DISC1: variants seen among roughly 807,000 people sequenced by gnomAD.
The protein encoded by DISC1 is DISC1 scaffold protein, also known as disrupted in schizophrenia 1 protein.
Under a neutral mutation model 84.5 loss-of-function variants are expected in DISC1, and 57 were observed. That is an observed-to-expected ratio of 0.67 (90% CI 0.55 to 0.84). The LOEUF (loss-of-function observed/expected upper bound fraction) is 0.84. Ranked by LOEUF, DISC1 falls within the 40% of genes least tolerant of loss-of-function variation. The pLI, the probability that DISC1 is intolerant of heterozygous loss-of-function variation, is 0.00. For synonymous variants in DISC1, 411 were observed against 415.2 expected, an observed-to-expected ratio of 0.99 and a Z score of 0.12; for missense variants, 1,000 against 1,057.8, an observed-to-expected ratio of 0.95 and a Z score of 0.76.
chr1:231,989,858 G>A (rs1040961935), intron 10 of DISC1, among the ~76,000 whole-genome samples: 5 of 152,122 alleles, frequency 3.3e-5, no homozygotes, highest in South Asian at 2.1e-4. Flanking sequence ...AAACACATGC[G>A]CACCGAGTTC....
intron 9 of DISC1, among the ~76,000 whole-genome samples, chr1:231,934,141 CA>C (rs2090838323): frequency 6.6e-6 from 1 of 152,134 alleles, no homozygotes; most frequent in Admixed American, 6.5e-5. Context: ...AGAATCCAGG[CA>C]GGAAAAGGGG....
chr1:231,799,201 G>T (rs1294562680), intron 7 of DISC1, among the ~76,000 whole-genome samples: 1 of 152,042 alleles, frequency 6.6e-6, no homozygotes. Flanking sequence ...GAATGTCATG[G>T]GAAAATACAT....
At chr1:231,664,948 A>G (rs2061889291) in intron 1 of DISC1, among the ~76,000 whole-genome samples, 1 of 152,200 alleles carries the variant, frequency 6.6e-6, no homozygotes, top group Non-Finnish European at 1.5e-5. Context: ...CATAAAATAT[A>G]TGTAGATACT....
intron 9 of DISC1, among the ~76,000 whole-genome samples, chr1:231,882,732 G>A (rs1268916565): frequency 6.6e-6 from 1 of 152,092 alleles, no homozygotes; most frequent in African/African-American, 2.4e-5. Flanking sequence ...CAAATGGATG[G>A]TGTGCATTTG....
At chr1:231,805,885 T>G (rs1019347307) in intron 8 of DISC1, among the ~76,000 whole-genome samples, 40 of 152,202 alleles carry the variant, frequency 2.6e-4, no homozygotes, top group Admixed American at 5.2e-4. Context: ...TCTCAGTTTT[T>G]GAGTGCAGGG....
intron 12 of DISC1, 49 bp from the exon 13 acceptor site, chr1:232,036,643 G>T (rs376579429): frequency 1.4e-6 from 2 of 1,475,460 alleles, no homozygotes; most frequent in East Asian, 2.4e-5. Flanking sequence ...CTCGGAGGCC[G>T]CAGAGGGCCA....
At chr1:231,925,856 A>G (rs1419283812) in intron 9 of DISC1, 2 of 152,252 alleles carry the variant, frequency 1.3e-5, no homozygotes, top group African/African-American at 2.4e-5. Flanking sequence ...AAGCTGGGAG[A>G]GAGGCACGGA....
rs910443476 is a variant in DISC1, at chr1:231,895,837, G to A, written c.1982-62991G>A. Among the ~76,000 whole-genome samples, 7 of 152,014 alleles carry A rather than the reference G, an allele frequency of 4.6e-5. No homozygotes were observed. The East Asian group carries it at 9.6e-4, about 21-fold the overall frequency. ...TGCAGTTGCCTCAGAACCGGTTTTC[G>A]CCCTCTCATCCTTGTCTTACAGTAC... On this transcript the variant is annotated intron_variant, in intron 9 of 12. Transcript: ENST00000439617.
At chr1:231,890,524 A>G (rs1241140738) in intron 9 of DISC1, among the ~76,000 whole-genome samples, 1 of 152,232 alleles carries the variant, frequency 6.6e-6, no homozygotes, top group Non-Finnish European at 1.5e-5. Context: ...GAATAGTCAA[A>G]TACATAGAAA....
At position 231,770,844 on chromosome 1, in the gene DISC1, G is replaced by A. The variant is rs138886515; in HGVS notation, c.1408G>A (p.Glu470Lys). The part of the protein sequence containing the change: ...QEKQQLQKEI[E>K]ALQARMFVLE... ...TCCTCATTCTCTACAGAAAGAAATC[G>A]AAGCTCTCCAAGCAAGGATGTTTGT... The change falls in exon 6 of 13, where the codon GAA becomes AAA. Residue 470 changes from glutamate (E) to lysine (K), a missense_variant. By Grantham distance (56) the Glu-to-Lys change is moderately conservative. Around this residue, in one of 3 missense-constraint regions of DISC1, gnomAD observed 311 missense variants for 400.1 expected, o/e 0.78. Transcript: ENST00000439617. The A allele has an allele frequency of 2.5e-5, 40 of 1,613,898 alleles. No homozygotes were observed. Among genetic ancestry groups the A allele is most frequent in the East Asian group, 4.5e-5 (2 of 44,894 alleles).
At position 231,962,649 on chromosome 1, in the gene DISC1, G is replaced by T. The variant is rs186847101; in HGVS notation, c.2042+3761G>T. 2.0e-5 allele frequency among the ~76,000 whole-genome samples: 3 copies of T among 152,282 alleles called. No individual in the cohort carries two copies. In the East Asian group the frequency reaches 5.8e-4, roughly 29 times the overall value. ...GACAGAAAGGCAGGGGGAGATTAGG[G>T]TATATTTTTAGTTTTTATGAACTGC... On this transcript the variant is annotated intron_variant, in intron 10 of 12. Transcript: ENST00000439617.
intron 10 of DISC1, among the ~76,000 whole-genome samples, chr1:231,969,171 T>A (rs1661545146): frequency 7.1e-6 from 1 of 139,930 alleles, no homozygotes; most frequent in Non-Finnish European, 1.5e-5. Flanking sequence ...CTCCTGATTA[T>A]CCAAACACTC....
intron 3 of DISC1, among the ~76,000 whole-genome samples, chr1:231,741,037 G>T (rs2073196297): frequency 6.6e-6 from 1 of 152,198 alleles, no homozygotes; most frequent in Admixed American, 6.5e-5. Flanking sequence ...TTATCAGCTT[G>T]TGCACATCTG....
chr1:231,831,880 T>C (rs61835438), intron 9 of DISC1, among the ~76,000 whole-genome samples: 39,731 of 151,436 alleles, frequency 0.26, 4,219 homozygotes, highest in Admixed American at 0.32. Flanking sequence ...GTAGCCTTGA[T>C]GATAGATGTG....
rs373885905 is a variant in DISC1, at chr1:231,897,265, C to A, written c.1982-61563C>A. Among the ~76,000 whole-genome samples, 128 of 152,274 alleles carry A rather than the reference C, an allele frequency of 8.4e-4. 1 individual carries two copies. Among genetic ancestry groups the A allele is most frequent in the African/African-American group, 2.9e-3 (119 of 41,550 alleles). On this transcript the variant is annotated intron_variant, in intron 9 of 12. Coordinates refer to ENST00000439617, the MANE Select transcript of DISC1 (RefSeq NM_018662.3). The surrounding 1 kb of genome is among the most constrained non-coding windows in gnomAD (Gnocchi z 4.5). ...GTGAACTGACTTGGGTACGCTTCTG[C>A]CAGAATAAGAAGAGGTCTTGAATTA...
chr1:231,832,431 G>T (rs1392118631), intron 9 of DISC1, among the ~76,000 whole-genome samples: 1 of 152,106 alleles, frequency 6.6e-6, no homozygotes, highest in Admixed American at 6.5e-5. Context: ...TTGTTGTTTT[G>T]TAAGGGATTG....
chr1:231,829,316 C>T (rs539633105), intron 9 of DISC1, among the ~76,000 whole-genome samples: 1 of 152,210 alleles, frequency 6.6e-6, no homozygotes, highest in African/African-American at 2.4e-5. Flanking sequence ...TTAATTCATG[C>T]CTTGTTTTTG....
intron 10 of DISC1, among the ~76,000 whole-genome samples, chr1:232,002,679 T>G (rs1474445451): frequency 2.0e-5 from 3 of 152,008 alleles, no homozygotes; most frequent in African/African-American, 7.3e-5. Flanking sequence ...TGATTCTGTT[T>G]ATACAACGTT....
At chr1:231,663,480 G>C (rs529589389) in intron 1 of DISC1, among the ~76,000 whole-genome samples, 1 of 152,190 alleles carries the variant, frequency 6.6e-6, no homozygotes, top group South Asian at 2.1e-4. Flanking sequence ...TTTCCTGCTG[G>C]CATTTAAGTC....
Sources: allele counts gnomAD v4.1 joint callset (sites outside exome capture counted in the v4.1 genomes callset), GRCh38; gene constraint gnomAD v4.1.1; regional missense constraint gnomAD v4.1.1; non-coding constraint Gnocchi (gnomAD v3.1); transcripts MANE v1.5; gene names NCBI Gene and HGNC (gene_info 2026-07-23, HGNC 2026-07-21).